SOX5: variants seen among roughly 807,000 people sequenced by gnomAD.
SOX5 encodes transcription factor SOX-5.
Under a neutral mutation model 92.0 loss-of-function variants are expected in SOX5, and 9 were observed. The observed-to-expected ratio is 0.10, with a 90% CI of 0.06 to 0.17. SOX5 has a LOEUF of 0.17. Among genes scored for constraint, SOX5 ranks in the 10% least tolerant of loss-of-function variants. The pLI is 1.00. For missense variants in SOX5, 642 were observed against 944.5 expected (o/e 0.68, Z 4.20); for synonymous variants, 344 against 336.3 (o/e 1.02, Z -0.25).
intron 4 of SOX5, among the ~76,000 whole-genome samples, chr12:24,143,243 T>C (rs1950758356): frequency 6.6e-6 from 1 of 152,112 alleles, no homozygotes; most frequent in African/African-American, 2.4e-5. Context: ...TCAAGAATAT[T>C]TATAGGAGTA....
intron 1 of SOX5, among the ~76,000 whole-genome samples, chr12:23,938,878 G>A (rs989224271): frequency 9.9e-5 from 15 of 150,858 alleles, no homozygotes; most frequent in Non-Finnish European, 8.9e-5. Context: ...TTTCTTACAT[G>A]TATTATTTTA....
intron 4 of SOX5, among the ~76,000 whole-genome samples, chr12:24,060,975 G>T (rs1193610114): frequency 5.9e-5 from 9 of 152,078 alleles, no homozygotes; most frequent in Admixed American, 5.2e-4. Context: ...TCCTTTTTAT[G>T]ATCAAACATA....
chr12:23,643,220 G>A (rs1369908949), intron 7 of SOX5, among the ~76,000 whole-genome samples: 1 of 151,918 alleles, frequency 6.6e-6, no homozygotes, highest in Non-Finnish European at 1.5e-5. Context: ...ACGTATGAGA[G>A]TAACAGAAGA....
At chr12:24,375,900 T>C (rs1251900693) in intron 1 of SOX5, among the ~76,000 whole-genome samples, 1 of 152,102 alleles carries the variant, frequency 6.6e-6, no homozygotes, top group Non-Finnish European at 1.5e-5. Flanking sequence ...TTTTAAAAAG[T>C]CTTTTTTTTT....
chr12:24,250,915 A>C (rs1165937092), intron 3 of SOX5, among the ~76,000 whole-genome samples: 1 of 152,176 alleles, frequency 6.6e-6, no homozygotes, highest in Non-Finnish European at 1.5e-5. Flanking sequence ...CTCATACTGA[A>C]GCTCCCTCCC....
chr12:23,926,480 G>A (rs776302443), intron 1 of SOX5, among the ~76,000 whole-genome samples: 3 of 151,922 alleles, frequency 2.0e-5, no homozygotes, highest in Non-Finnish European at 4.4e-5. Flanking sequence ...TTCCTGTGAG[G>A]ACACCTGAAC....
intron 4 of SOX5, among the ~76,000 whole-genome samples, chr12:24,012,782 T>A (rs983259538): frequency 6.6e-6 from 1 of 152,122 alleles, no homozygotes; most frequent in Non-Finnish European, 1.5e-5. Context: ...TCCTAAGAGG[T>A]TGATACCTAA....
At chr12:23,972,690 AT>A (rs1469241374) in intron 4 of SOX5, among the ~76,000 whole-genome samples, 1 of 151,790 alleles carries the variant, frequency 6.6e-6, no homozygotes, top group Non-Finnish European at 1.5e-5. Context: ...ATAATTTTTT[AT>A]TTTTTAATTG....
At chr12:23,733,268 T>C (rs1022296830) in intron 6 of SOX5, among the ~76,000 whole-genome samples, 1 of 152,178 alleles carries the variant, frequency 6.6e-6, no homozygotes, top group Non-Finnish European at 1.5e-5. Flanking sequence ...TGGAATTACC[T>C]TACTTAGAAT....
intron 3 of SOX5, among the ~76,000 whole-genome samples, chr12:23,831,121 T>C (rs2096310272): frequency 6.6e-6 from 1 of 152,112 alleles, no homozygotes; most frequent in Non-Finnish European, 1.5e-5. Flanking sequence ...AATGGTCTTA[T>C]AGGTCAAAAC....
chr12:24,429,625 TACACACAC>T (rs148679940), intron 1 of SOX5, among the ~76,000 whole-genome samples: 17 of 140,762 alleles, frequency 1.2e-4, no homozygotes, highest in Admixed American at 2.8e-4. Flanking sequence ...CACACACACA[TACACACAC>T]ACACACACAC....
At chr12:23,823,800 G>A (rs967811230) in intron 3 of SOX5, among the ~76,000 whole-genome samples, 1 of 152,152 alleles carries the variant, frequency 6.6e-6, no homozygotes, top group Non-Finnish European at 1.5e-5. Flanking sequence ...TTTCTTGGAG[G>A]CTATGTTCAT....
intron 11 of SOX5, among the ~76,000 whole-genome samples, chr12:23,554,967 G>A (rs1944878569): frequency 6.6e-6 from 1 of 152,062 alleles, no homozygotes; most frequent in Non-Finnish European, 1.5e-5. Context: ...AAAGAATCAA[G>A]GGGGAAAAGA....
At chr12:24,441,540 G>A (rs1940586695) in intron 1 of SOX5, among the ~76,000 whole-genome samples, 1 of 152,140 alleles carries the variant, frequency 6.6e-6, no homozygotes, top group South Asian at 2.1e-4. Flanking sequence ...TACAACCAAA[G>A]TGTTGATTTT....
intron 4 of SOX5, among the ~76,000 whole-genome samples, chr12:24,129,037 A>G (rs375888993): frequency 1.4e-4 from 22 of 152,218 alleles, no homozygotes; most frequent in Non-Finnish European, 2.2e-4. Flanking sequence ...ATTTACAAGG[A>G]CATCTGACTA....
intron 5 of SOX5, among the ~76,000 whole-genome samples, chr12:23,736,322 C>T (rs997414607): frequency 2.6e-5 from 4 of 151,856 alleles, no homozygotes; most frequent in Non-Finnish European, 5.9e-5. Context: ...ATTAGCCAGG[C>T]GTGGTGGCGG....
At chr12:24,076,619 T>G (rs1252198376) in intron 4 of SOX5, among the ~76,000 whole-genome samples, 2 of 152,068 alleles carry the variant, frequency 1.3e-5, no homozygotes, top group Admixed American at 6.6e-5. Context: ...TCTAAAGTAT[T>G]TTCATATTCA....
chr12:24,234,643 G>A (rs1289038780), intron 3 of SOX5, among the ~76,000 whole-genome samples: 1 of 152,142 alleles, frequency 6.6e-6, no homozygotes, highest in Non-Finnish European at 1.5e-5. Context: ...CTCCCAAAGT[G>A]CTGGAATTAC....
intron 1 of SOX5, among the ~76,000 whole-genome samples, chr12:24,527,414 T>C (rs1950814091): frequency 6.6e-6 from 1 of 152,240 alleles, no homozygotes; most frequent in Non-Finnish European, 1.5e-5. Flanking sequence ...CACTTGAATA[T>C]CAAAGTTAAA....
Sources: allele counts gnomAD v4.1 joint callset (sites outside exome capture counted in the v4.1 genomes callset), GRCh38; gene constraint gnomAD v4.1.1; transcripts MANE v1.5; gene names NCBI Gene and HGNC (gene_info 2026-07-23, HGNC 2026-07-21).